The following RGPD8 variants were observed in gnomAD, a reference collection of about 807,000 sequenced individuals.
RGPD8 encodes the protein RANBP2-like and GRIP domain-containing protein 8.
A neutral mutation model predicts 89.1 loss-of-function variants in RGPD8; 15 were observed. That is an observed-to-expected ratio of 0.17 (90% CI 0.11 to 0.26). RGPD8 has a LOEUF of 0.26. Ranked by LOEUF, RGPD8 falls within the 10% of genes least tolerant of loss-of-function variation. The pLI is 1.00. For missense variants in RGPD8, 178 were observed against 1,179.6 expected, an observed-to-expected ratio of 0.15 and a Z score of 12.44; for synonymous variants, 62 against 420.9, an observed-to-expected ratio of 0.15 and a Z score of 10.44.
chr2:112,433,482 G>C lies in RGPD8; in HGVS notation c.-29C>G, dbSNP rs570931017. 1.2e-5 allele frequency: 19 copies of C among 1,598,922 alleles called. No homozygotes were observed. The highest frequency in any genetic ancestry group is 6.7e-5 in the African/African-American group (5 of 74,588). ...GCCGCCAACCTGGCTCCCGAGACGC[G>C]TGCGAGCACCGCTCAGCCCCGCAGC... On this transcript the variant is annotated 5_prime_UTR_variant, in exon 1 of 23. Coordinates refer to ENST00000302558, the MANE Select transcript of RGPD8 (RefSeq NM_001164463.1).
At position 112,426,866 on chromosome 2, in the gene RGPD8, G is replaced by T. The variant is rs1325508670; in HGVS notation, c.73-2559C>A. Among the ~76,000 whole-genome samples the T allele has an allele frequency of 3.7e-5, 5 of 133,626 alleles. No homozygotes were observed. In the South Asian group the frequency reaches 1.2e-3, roughly 32 times the overall value. 87.7% of individuals were successfully genotyped at this position (133,626 alleles called of 152,430 possible). Reference sequence around the variant, plus strand: ...TTTTGAGATGGAGTCTTGCTCTGTCGCCAGGCTGGAGTGCGGTGGCTCGAT... The same window carrying T: ...TTTTGAGATGGAGTCTTGCTCTGTCTCCAGGCTGGAGTGCGGTGGCTCGAT... On this transcript the variant is annotated intron_variant, in intron 1 of 22. Transcript: ENST00000302558.
At chr2:112,410,622 C>CA (rs1679136529) in intron 7 of RGPD8, among the ~76,000 whole-genome samples, 1 of 147,994 alleles carries the variant, frequency 6.8e-6, no homozygotes, top group Non-Finnish European at 1.5e-5. Context: ...TTAAAAAATA[C>CA]AAAAAATTAG....
At chr2:112,415,166 G>A (rs879528121) in intron 6 of RGPD8, among the ~76,000 whole-genome samples, 13 of 150,758 alleles carry the variant, frequency 8.6e-5, no homozygotes, top group Non-Finnish European at 1.6e-4. Flanking sequence ...GGCAGATCAC[G>A]AGGTCAGGAG....
chr2:112,433,321 G>A lies in RGPD8; in HGVS notation c.72+61C>T, dbSNP rs1215242557. 4 of 1,317,364 alleles carry A rather than the reference G, an allele frequency of 3.0e-6. No homozygotes were observed. In the Admixed American group the frequency reaches 8.1e-5, roughly 27 times the overall value. 81.6% of individuals were successfully genotyped at this position (1,317,364 alleles called of 1,614,324 possible). ...GACCCATCGAGGCCGCCGCCGGGCC[G>A]GGTCGAGGCCGCCGCCGCCCGGCCG... On this transcript the variant is annotated intron_variant, in intron 1 of 22. Coordinates refer to ENST00000302558, the MANE Select transcript of RGPD8 (RefSeq NM_001164463.1).
At chr2:112,410,764 G>A (rs1260001597) in intron 7 of RGPD8, among the ~76,000 whole-genome samples, 4 of 151,696 alleles carry the variant, frequency 2.6e-5, no homozygotes, top group South Asian at 2.1e-4. Context: ...GTGACAGAGC[G>A]AGACTCCGTC....
intron 1 of RGPD8, chr2:112,432,661 C>T: frequency 6.1e-6 from 6 of 985,332 alleles, no homozygotes; most frequent in Non-Finnish European, 7.2e-6. Context: ...AAGAAACCCG[C>T]CGATACAGCA....
chr2:112,430,265 C>T (rs1191159979), intron 1 of RGPD8, among the ~76,000 whole-genome samples: 1 of 152,196 alleles, frequency 6.6e-6, no homozygotes, highest in African/African-American at 2.4e-5. Flanking sequence ...ATACTAACCT[C>T]TTCATATTCT....
intron 1 of RGPD8, among the ~76,000 whole-genome samples, chr2:112,431,641 G>GT (rs368409381): frequency 0.016 from 2,218 of 141,200 alleles, 18 homozygotes; most frequent in African/African-American, 0.033. Context: ...TGAGTTTCTG[G>GT]TTTTTTTTTT....
At chr2:112,412,992 A>T (rs1162706354) in intron 6 of RGPD8, among the ~76,000 whole-genome samples, 2 of 120,780 alleles carry the variant, frequency 1.7e-5, no homozygotes, top group Non-Finnish European at 3.3e-5. Flanking sequence ...TTATTTAATT[A>T]ACAGTTGTAA....
At chr2:112,433,047 G>C (rs1284129527) in intron 1 of RGPD8, among the ~76,000 whole-genome samples, 1 of 84,986 alleles carries the variant, frequency 1.2e-5, no homozygotes, top group East Asian at 2.6e-4. Context: ...GGCCGCCCCC[G>C]GGCCGGGTCG....
chr2:112,430,157 GAT>G, intron 1 of RGPD8, among the ~76,000 whole-genome samples: 1 of 152,278 alleles, frequency 6.6e-6, no homozygotes, highest in African/African-American at 2.4e-5. Flanking sequence ...AGACTAGAAA[GAT>G]ATGATATACA....
At chr2:112,431,645 T>G (rs868540887) in intron 1 of RGPD8, among the ~76,000 whole-genome samples, 15 of 145,062 alleles carry the variant, frequency 1.0e-4, no homozygotes, top group South Asian at 4.4e-4. Context: ...TTTCTGGTTT[T>G]TTTTTTTTTT....
chr2:112,429,415 CAAAAA>C (rs71412832), intron 1 of RGPD8, among the ~76,000 whole-genome samples: 2 of 45,742 alleles, frequency 4.4e-5, no homozygotes, highest in Non-Finnish European at 7.8e-5. Context: ...GACTCCGTCT[CAAAAA>C]AAAAAAAAAA....
At chr2:112,371,097 G>T (rs1430518357) in intron 22 of RGPD8, among the ~76,000 whole-genome samples, 2 of 150,530 alleles carry the variant, frequency 1.3e-5, no homozygotes, top group African/African-American at 2.5e-5. Flanking sequence ...ATACAACTTA[G>T]AATCTAAAAC....
intron 22 of RGPD8, among the ~76,000 whole-genome samples, chr2:112,371,670 C>G (rs1211651627): frequency 1.6e-5 from 1 of 63,130 alleles, no homozygotes; most frequent in Non-Finnish European, 3.0e-5. Context: ...CCACATAATT[C>G]ACCTTTTTAA....
intron 1 of RGPD8, among the ~76,000 whole-genome samples, chr2:112,426,307 A>T (rs1253937056): frequency 6.6e-6 from 1 of 152,136 alleles, no homozygotes; most frequent in Non-Finnish European, 1.5e-5. Context: ...GCTAGTATGT[A>T]ACTAGCGGGT....
At chr2:112,402,551 G>C (rs1678909356) in intron 9 of RGPD8, among the ~76,000 whole-genome samples, 1 of 62,672 alleles carries the variant, frequency 1.6e-5, no homozygotes. Context: ...GCTTCTGGAA[G>C]CATGAAGAGG....
Position 112,415,067 on chromosome 2 carries a change from G to C in RGPD8, c.782+2126C>G, listed in dbSNP as rs535460926. ...ATCCTGGCCAACATGATGAAACCCT[G>C]TTTCTACTAAAAATACAAAAACTAG... is the stretch of plus-strand genomic sequence containing the variant. On this transcript the variant is annotated intron_variant, in intron 6 of 22. Transcript: ENST00000302558. Among the ~76,000 whole-genome samples the C allele has an allele frequency of 3.4e-4, 50 of 146,580 alleles. 1 individual carries two copies. The highest frequency in any genetic ancestry group is 3.4e-3 in the Middle Eastern group (1 of 290).
At chr2:112,379,592 C>CAAAA (rs768387321) in intron 21 of RGPD8, among the ~76,000 whole-genome samples, 1 of 106,890 alleles carries the variant, frequency 9.4e-6, no homozygotes, top group Non-Finnish European at 2.1e-5. Flanking sequence ...GAGACTATCT[C>CAAAA]AAAAAAAAAA....
Sources: gnomAD v4.1 joint callset for allele counts (sites outside exome capture counted in the v4.1 genomes callset) on GRCh38, gnomAD v4.1.1 for gene constraint, MANE v1.5 for transcripts, NCBI Gene and HGNC (gene_info 2026-07-23, HGNC 2026-07-21) for gene names.